The following CCDC141 variants were observed in gnomAD, a reference collection of about 807,000 sequenced individuals.
CCDC141 encodes coiled-coil domain containing 141.
CCDC141 carries 168 observed loss-of-function variants against 181.0 expected under a neutral mutation model. That is an observed-to-expected ratio of 0.93 (90% CI 0.82 to 1.05). The LOEUF (loss-of-function observed/expected upper bound fraction) is 1.05, where lower values mean the gene tolerates loss of function less well. Among genes scored for constraint, CCDC141 ranks in the 50% least tolerant of loss-of-function variants. CCDC141 has a pLI of 0.00. For missense variants in CCDC141, 1,902 were observed against 1,788.5 expected (o/e 1.06, Z -1.14); for synonymous variants, 666 against 642.3 (o/e 1.04, Z -0.56).
intron 7 of CCDC141, among the ~76,000 whole-genome samples, chr2:178,912,157 G>A (rs1335636191): frequency 6.6e-6 from 1 of 152,116 alleles, no homozygotes; most frequent in Admixed American, 6.5e-5. Context: ...AAAAGGACAT[G>A]TTTCTTACCC....
intron 5 of CCDC141, among the ~76,000 whole-genome samples, chr2:178,959,665 A>G (rs1690312160): frequency 6.6e-6 from 1 of 152,224 alleles, no homozygotes. Flanking sequence ...CAGGTAAAGC[A>G]CAACAGAAGC....
chr2:178,864,777 G>T (rs1685773710), intron 17 of CCDC141, among the ~76,000 whole-genome samples: 1 of 152,226 alleles, frequency 6.6e-6, no homozygotes, highest in Admixed American at 6.5e-5. Flanking sequence ...AATGTTGTTG[G>T]ATAATATTTG....
At chr2:178,878,983 T>C (rs1401541174) in intron 11 of CCDC141, among the ~76,000 whole-genome samples, 5 of 152,168 alleles carry the variant, frequency 3.3e-5, no homozygotes, top group African/African-American at 7.2e-5. Context: ...AAAGTATAAA[T>C]AATTACTAAT....
In CCDC141 at chr2:178,855,443, C is replaced by T; in HGVS notation, c.2964G>A (p.Lys988=). ...AGTCATCCACATGTTTTTGCAAATCCTTCATGACTTCCAAAAGGACATTAA... is the reference window on the plus strand; with the variant it reads ...AGTCATCCACATGTTTTTGCAAATCTTTCATGACTTCCAAAAGGACATTAA... ...DKVNVLLEVM[K]DLQKHVDDFD... Residue 988 remains lysine (K), a synonymous_variant, in exon 19 of 24, where the codon AAG becomes AAA. Coordinates refer to ENST00000443758, the MANE Select transcript of CCDC141 (RefSeq NM_173648.4). 3.7e-6 allele frequency: 6 copies of T among 1,611,780 alleles called. No individual in the cohort carries two copies. Among genetic ancestry groups the T allele is most frequent in the Non-Finnish European group, 4.2e-6 (5 of 1,178,980 alleles).
chr2:178,964,364 T>A (rs1690533964), intron 4 of CCDC141, among the ~76,000 whole-genome samples: 1 of 152,170 alleles, frequency 6.6e-6, no homozygotes, highest in African/African-American at 2.4e-5. Context: ...CATTAGACTT[T>A]GCAAATGAGA....
intron 2 of CCDC141, among the ~76,000 whole-genome samples, chr2:179,010,555 T>G (rs1214614945): frequency 6.6e-6 from 1 of 152,080 alleles, no homozygotes; most frequent in African/African-American, 2.4e-5. Context: ...AACCTAAGCC[T>G]CGTATATGAA....
chr2:178,920,705 C>T (rs1688651607), intron 6 of CCDC141, among the ~76,000 whole-genome samples: 1 of 151,606 alleles, frequency 6.6e-6, no homozygotes, highest in Non-Finnish European at 1.5e-5. Context: ...TACACACACA[C>T]ACACACACAC....
At chr2:178,916,881 C>T (rs1456163360) in intron 7 of CCDC141, among the ~76,000 whole-genome samples, 1 of 151,694 alleles carries the variant, frequency 6.6e-6, no homozygotes, top group Non-Finnish European at 1.5e-5. Flanking sequence ...TTCTCTACTC[C>T]AATCTGACCT....
At chr2:178,893,799 TCACACACACA>T (rs56229236) in intron 8 of CCDC141, among the ~76,000 whole-genome samples, 7 of 143,722 alleles carry the variant, frequency 4.9e-5, no homozygotes, top group Middle Eastern at 7.3e-3. Flanking sequence ...TCTCTCTCTC[TCACACACACA>T]CACACACACA....
At chr2:179,045,452 G>A (rs1364294640) in intron 2 of CCDC141, among the ~76,000 whole-genome samples, 1 of 152,020 alleles carries the variant, frequency 6.6e-6, no homozygotes, top group Non-Finnish European at 1.5e-5. Context: ...TTGCTATTGT[G>A]AATAGAGCTG....
At chr2:178,848,203 T>C (rs1159450524) in intron 21 of CCDC141, among the ~76,000 whole-genome samples, 1 of 152,128 alleles carries the variant, frequency 6.6e-6, no homozygotes, top group Non-Finnish European at 1.5e-5. Context: ...GGTCGTGTCC[T>C]TGAAGTAAAG....
chr2:178,871,992 A>T, intron 13 of CCDC141, 141 bp downstream of exon 13: 1 of 799,100 alleles, frequency 1.3e-6, no homozygotes, highest in Non-Finnish European at 1.9e-6. Context: ...GACTACAGGG[A>T]CCTCATTTAT....
At position 178,975,169 on chromosome 2, in the gene CCDC141, C is replaced by T. The variant is rs560691142; in HGVS notation, c.418-4G>A. 1.5e-6 allele frequency: 2 copies of T among 1,369,180 alleles called. No homozygotes were observed. The highest frequency in any genetic ancestry group is 2.6e-5 in the East Asian group (1 of 39,104). The allele number at this position is 1,369,180 out of a possible 1,614,324, so 84.8% of individuals were successfully genotyped here. A position where few individuals can be genotyped will look rare whatever the true frequency, so the allele number is the denominator to read the frequency against. ...CTTGGTCTATTTTAATAGCAAACTA[C>T]AATAGAAATACAGAGGAAAGACATT... On this transcript the variant is annotated splice_region_variant and splice_polypyrimidine_tract_variant and intron_variant, in intron 3 of 23. Coordinates refer to ENST00000443758, the MANE Select transcript of CCDC141 (RefSeq NM_173648.4).
intron 2 of CCDC141, among the ~76,000 whole-genome samples, chr2:179,025,230 C>T (rs1353487980): frequency 6.6e-6 from 1 of 151,880 alleles, no homozygotes. Flanking sequence ...CAGCATAGTG[C>T]CTGATAGGTA....
At chr2:178,981,098 T>C (rs2154381049) in intron 2 of CCDC141, among the ~76,000 whole-genome samples, 1 of 152,222 alleles carries the variant, frequency 6.6e-6, no homozygotes, top group South Asian at 2.1e-4. Flanking sequence ...TCAAAATATA[T>C]GAGGCAAAAA....
intron 2 of CCDC141, among the ~76,000 whole-genome samples, chr2:179,033,090 A>G (rs897587131): frequency 2.7e-5 from 4 of 150,500 alleles, no homozygotes; most frequent in African/African-American, 9.7e-5. Flanking sequence ...CAGAAGTCAT[A>G]GTGGACTTAA....
At position 178,978,525 on chromosome 2, in the gene CCDC141, G is replaced by GCT; in HGVS notation, c.374_375dup (p.Leu126SerfsTer5). 6.5e-7 allele frequency: 1 copy of GCT among 1,533,686 alleles called. No individual in the cohort carries two copies. Among genetic ancestry groups the GCT allele is most frequent in the Non-Finnish European group, 8.8e-7 (1 of 1,140,886 alleles). The stretch of plus-strand genomic sequence containing the variant: ...AAAAATTCAGAAGTCAACCTAAGGA[G>GCT]CTCTGTTCTTCTTTCAAGCATGGAC... On this transcript the variant is annotated frameshift_variant, in exon 3 of 24. Coordinates refer to ENST00000443758, the MANE Select transcript of CCDC141 (RefSeq NM_173648.4). LOFTEE classifies it high-confidence loss of function.
intron 8 of CCDC141, among the ~76,000 whole-genome samples, chr2:178,904,422 C>G (rs1687862491): frequency 6.6e-6 from 1 of 152,128 alleles, no homozygotes; most frequent in Admixed American, 6.5e-5. Context: ...CAAATCAACA[C>G]CTTTAAACTC....
chr2:178,848,468 C>G (rs1685030047), intron 21 of CCDC141, among the ~76,000 whole-genome samples: 1 of 152,098 alleles, frequency 6.6e-6, no homozygotes, highest in African/African-American at 2.4e-5. Context: ...AAAAGAGAAT[C>G]CAAGTGACAG....
Sources: allele counts gnomAD v4.1 joint callset (sites outside exome capture counted in the v4.1 genomes callset), GRCh38; gene constraint gnomAD v4.1.1; transcripts MANE v1.5; gene names NCBI Gene and HGNC (gene_info 2026-07-23, HGNC 2026-07-21).